Variants in SLAIN2 observed in about 807,000 individuals in gnomAD.
SLAIN2 encodes SLAIN motif-containing protein 2.
A neutral mutation model predicts 56.6 loss-of-function variants in SLAIN2; 31 were observed. That is an observed-to-expected ratio of 0.55 (90% confidence interval 0.41 to 0.74). SLAIN2 has a LOEUF of 0.74. SLAIN2 is among the 30% of genes least tolerant of loss of function. The probability of loss-of-function intolerance (pLI) is 0.00; values close to 1 mark genes in which losing one functional copy is unlikely to be tolerated. For synonymous variants in SLAIN2, 317 were observed against 284.9 expected, an observed-to-expected ratio of 1.11 and a Z score of -1.13; for missense variants, 777 against 754.2, an observed-to-expected ratio of 1.03 and a Z score of -0.35.
At chr4:48,411,531 C>T (rs571310673) in intron 6 of SLAIN2, among the ~76,000 whole-genome samples, 1 of 151,996 alleles carries the variant, frequency 6.6e-6, no homozygotes, top group East Asian at 1.9e-4. Context: ...GAACTCTTCC[C>T]TGCTTTTATC....
intron 6 of SLAIN2, among the ~76,000 whole-genome samples, chr4:48,399,363 G>T (rs1471479534): frequency 6.6e-6 from 1 of 152,152 alleles, no homozygotes; most frequent in Non-Finnish European, 1.5e-5. Flanking sequence ...TGTATCTTGG[G>T]ACTTGGCTGA....
chr4:48,373,855 A>T (rs1715732320), intron 2 of SLAIN2, among the ~76,000 whole-genome samples: 1 of 152,148 alleles, frequency 6.6e-6, no homozygotes, highest in Admixed American at 6.5e-5. Context: ...AGCCTGACCA[A>T]CATGGAGAAA....
intron 6 of SLAIN2, among the ~76,000 whole-genome samples, chr4:48,406,593 C>T (rs1433752554): frequency 7.1e-6 from 1 of 140,916 alleles, no homozygotes; most frequent in African/African-American, 2.7e-5. Flanking sequence ...ATACTATTTT[C>T]TCCTTCACAT....
At chr4:48,368,533 T>A (rs1266140057) in intron 1 of SLAIN2, among the ~76,000 whole-genome samples, 3 of 152,202 alleles carry the variant, frequency 2.0e-5, no homozygotes, top group Non-Finnish European at 4.4e-5. Context: ...TTATTATTCA[T>A]CTATAGAGGT....
At position 48,425,373 on chromosome 4, in the gene SLAIN2, A is replaced by G. The variant is rs1044208078; in HGVS notation, c.*3296A>G. The G allele has an allele frequency of 3.9e-5, 6 of 152,134 alleles. No individual in the cohort carries two copies. Among genetic ancestry groups the G allele is most frequent in the Non-Finnish European group, 8.8e-5 (6 of 67,998 alleles). 9.4% of individuals were successfully genotyped at this position (152,134 alleles called of 1,614,324 possible). ...TCTAGTTAGAAAAAAACAAGCAAAA[A>G]GCTATTATGAGTTTCCAAGAGGGAC... On this transcript the variant is annotated 3_prime_UTR_variant, in exon 8 of 8. Coordinates refer to ENST00000264313, the MANE Select transcript of SLAIN2 (RefSeq NM_020846.2).
At chr4:48,357,619 G>A (rs1391441513) in intron 1 of SLAIN2, among the ~76,000 whole-genome samples, 2 of 152,050 alleles carry the variant, frequency 1.3e-5, no homozygotes, top group Admixed American at 6.5e-5. Context: ...GCATGATTTC[G>A]ACTCACCGCA....
chr4:48,344,264 G>C (rs756074319), intron 1 of SLAIN2, among the ~76,000 whole-genome samples: 31 of 152,110 alleles, frequency 2.0e-4, no homozygotes, highest in Admixed American at 1.6e-3. Flanking sequence ...AATGCGTTGG[G>C]GTATGTGATT....
chr4:48,418,111 C>CTTCTTT (rs1245264446), intron 6 of SLAIN2, among the ~76,000 whole-genome samples: 2 of 150,854 alleles, frequency 1.3e-5, no homozygotes, highest in Non-Finnish European at 3.0e-5. Flanking sequence ...CCTCTTCCTC[C>CTTCTTT]CTCCTTCCTC....
intron 6 of SLAIN2, among the ~76,000 whole-genome samples, chr4:48,418,629 T>G (rs1050561353): frequency 6.6e-6 from 1 of 152,218 alleles, no homozygotes; most frequent in Non-Finnish European, 1.5e-5. Context: ...ATACTGTCCT[T>G]TTCTAGTTTT....
At chr4:48,359,439 A>G (rs1380036946) in intron 1 of SLAIN2, among the ~76,000 whole-genome samples, 1 of 152,212 alleles carries the variant, frequency 6.6e-6, no homozygotes, top group Non-Finnish European at 1.5e-5. Context: ...TCAGTAGCCT[A>G]CTTTCAGCTG....
chr4:48,352,791 G>A (rs1350607642), intron 1 of SLAIN2, among the ~76,000 whole-genome samples: 3 of 152,144 alleles, frequency 2.0e-5, no homozygotes, highest in Non-Finnish European at 2.9e-5. Context: ...GTCAAAAATA[G>A]TGCTTGATAT....
intron 1 of SLAIN2, among the ~76,000 whole-genome samples, chr4:48,366,230 C>T (rs1320024338): frequency 6.6e-6 from 1 of 152,130 alleles, no homozygotes; most frequent in Non-Finnish European, 1.5e-5. Flanking sequence ...TATGTCCTAG[C>T]CCATGGTCTG....
At chr4:48,411,868 T>G (rs1445060696) in intron 6 of SLAIN2, among the ~76,000 whole-genome samples, 1 of 152,230 alleles carries the variant, frequency 6.6e-6, no homozygotes, top group Non-Finnish European at 1.5e-5. Flanking sequence ...TCATATGGTC[T>G]TGTAGTTGTC....
intron 6 of SLAIN2, among the ~76,000 whole-genome samples, chr4:48,386,449 C>A (rs891398557): frequency 1.3e-5 from 2 of 152,164 alleles, no homozygotes; most frequent in East Asian, 3.8e-4. Flanking sequence ...GTTGTCACAT[C>A]TATGGTTTAG....
chr4:48,362,732 CTTTTT>C (rs397716685), intron 1 of SLAIN2, among the ~76,000 whole-genome samples: 39 of 116,404 alleles, frequency 3.4e-4, no homozygotes, highest in Admixed American at 3.1e-3. Context: ...TTTTAAATTT[CTTTTT>C]TTTTTTTTTA....
chr4:48,353,565 A>G (rs541112660), intron 1 of SLAIN2, among the ~76,000 whole-genome samples: 2 of 152,206 alleles, frequency 1.3e-5, no homozygotes, highest in South Asian at 2.1e-4. Context: ...ACAAACATTT[A>G]TTTGGTCAGT....
intron 6 of SLAIN2, among the ~76,000 whole-genome samples, chr4:48,408,292 C>T (rs558487815): frequency 1.3e-5 from 2 of 151,908 alleles, no homozygotes; most frequent in South Asian, 2.1e-4. Flanking sequence ...GATCGCACCA[C>T]TTCCAGCTTG....
chr4:48,405,743 G>A (rs1233475087), intron 6 of SLAIN2, among the ~76,000 whole-genome samples: 1 of 151,948 alleles, frequency 6.6e-6, no homozygotes, highest in African/African-American at 2.4e-5. Flanking sequence ...TACAGAATTG[G>A]GAATTTTAAT....
intron 6 of SLAIN2, among the ~76,000 whole-genome samples, chr4:48,396,466 A>G (rs2109773468): frequency 6.6e-6 from 1 of 152,324 alleles, no homozygotes; most frequent in East Asian, 1.9e-4. Flanking sequence ...TTAGCTTAAT[A>G]ATTGATGAAG....
Sources: allele counts gnomAD v4.1 joint callset (sites outside exome capture counted in the v4.1 genomes callset), GRCh38; gene constraint gnomAD v4.1.1; transcripts MANE v1.5; gene names NCBI Gene and HGNC (gene_info 2026-07-23, HGNC 2026-07-21).